Variants in ZNF236 observed in about 807,000 individuals in gnomAD.
ZNF236 encodes the protein regulated by glucose.
In ZNF236, 50 loss-of-function variants were observed where a neutral mutation model predicts 191.2. That is an observed-to-expected ratio of 0.26 (90% CI 0.21 to 0.33). The LOEUF (loss-of-function observed/expected upper bound fraction) is 0.33. Among genes scored for constraint, ZNF236 ranks in the 10% least tolerant of loss-of-function variants. The pLI is 1.00. For missense variants in ZNF236, 1,754 were observed against 2,374.5 expected (o/e 0.74, Z 5.43); for synonymous variants, 907 against 928.8 (o/e 0.98, Z 0.43).
At chr18:76,879,974 A>G (rs1025867639) in intron 7 of ZNF236, 139 bp from the exon 8 acceptor site, 26 of 737,782 alleles carry the variant, frequency 3.5e-5, no homozygotes, top group South Asian at 3.1e-4. Context: ...GTGAGGCATT[A>G]TATTTAAAAT....
intron 3 of ZNF236, among the ~76,000 whole-genome samples, chr18:76,864,687 T>C (rs1312564024): frequency 6.7e-6 from 1 of 150,060 alleles, no homozygotes; most frequent in African/African-American, 2.5e-5. Context: ...GTGTGCTCAG[T>C]GTACATGGAG....
Position 76,925,185 on chromosome 18 carries a change from A to C in ZNF236, c.3662-4A>C, listed in dbSNP as rs1967640297. 1 of 1,608,398 alleles carries C rather than the reference A, an allele frequency of 6.2e-7. No homozygotes were observed. The highest frequency in any genetic ancestry group is 1.3e-5 in the African/African-American group (1 of 74,676). On this transcript the variant is annotated splice_region_variant and splice_polypyrimidine_tract_variant and intron_variant, in intron 21 of 30. Transcript: ENST00000320610. The surrounding 1 kb of genome is among the most constrained non-coding windows in gnomAD (Gnocchi z 5.7). ...CTGTTGATTCTTGGCTGGGCTTTTC[A>C]CAGGTCAGAAGCTCTTCAGCTGTCA...
intron 3 of ZNF236, among the ~76,000 whole-genome samples, chr18:76,866,969 A>G (rs7228317): frequency 0.017 from 2,559 of 152,320 alleles, 30 homozygotes; most frequent in Middle Eastern, 0.02. Flanking sequence ...CACGTCGTGC[A>G]TAAACTGGGG....
At chr18:76,946,891 G>C (rs73968238) in intron 26 of ZNF236, among the ~76,000 whole-genome samples, 8,516 of 152,222 alleles carry the variant, frequency 0.056, 328 homozygotes, top group East Asian at 0.11. Flanking sequence ...ATTTATATAA[G>C]TTCACCTAAT....
chr18:76,824,225 C>T, intron 1 of ZNF236: 1 of 745,004 alleles, frequency 1.3e-6, no homozygotes, highest in Admixed American at 1.8e-5. Context: ...GGGTAGGAAT[C>T]AATGTAAACT....
At chr18:76,861,925 T>C (rs1464852695) in intron 3 of ZNF236, among the ~76,000 whole-genome samples, 4 of 152,164 alleles carry the variant, frequency 2.6e-5, no homozygotes, top group African/African-American at 4.8e-5. Context: ...AGTGCAGTGG[T>C]GCGATCCAGC....
At chr18:76,845,655 C>G (rs1188441120) in intron 1 of ZNF236, among the ~76,000 whole-genome samples, 2 of 151,996 alleles carry the variant, frequency 1.3e-5, no homozygotes, top group Non-Finnish European at 2.9e-5. Flanking sequence ...TCGAGACCAG[C>G]CTGACCAACA....
chr18:76,845,315 C>A (rs758087563), intron 1 of ZNF236, among the ~76,000 whole-genome samples: 18 of 152,060 alleles, frequency 1.2e-4, no homozygotes, highest in Middle Eastern at 3.2e-3. Flanking sequence ...CATATGCACC[C>A]CCTGTGTATA....
At chr18:76,847,991 C>G (rs1203503103) in intron 1 of ZNF236, among the ~76,000 whole-genome samples, 4 of 152,172 alleles carry the variant, frequency 2.6e-5, no homozygotes, top group African/African-American at 9.7e-5. Context: ...CCGGAATTTG[C>G]CTTTTCTCAA....
intron 11 of ZNF236, among the ~76,000 whole-genome samples, chr18:76,903,503 G>A (rs1337225531): frequency 6.6e-6 from 1 of 152,190 alleles, no homozygotes; most frequent in Non-Finnish European, 1.5e-5. Context: ...GCTAATCATT[G>A]TATAGCAGTT....
At chr18:76,846,944 G>T (rs978111135) in intron 1 of ZNF236, among the ~76,000 whole-genome samples, 10 of 151,878 alleles carry the variant, frequency 6.6e-5, no homozygotes, top group Non-Finnish European at 1.3e-4. Context: ...ACAGGCGTGC[G>T]CCATCAAGCC....
intron 3 of ZNF236, among the ~76,000 whole-genome samples, chr18:76,860,046 T>C (rs1010601492): frequency 6.6e-6 from 1 of 151,876 alleles, no homozygotes; most frequent in African/African-American, 2.4e-5. Flanking sequence ...GGAGTGGAGA[T>C]GGTGGTTTGC....
chr18:76,889,449 C>T (rs1467907888), intron 9 of ZNF236, among the ~76,000 whole-genome samples: 1 of 152,178 alleles, frequency 6.6e-6, no homozygotes, highest in Admixed American at 6.5e-5. Context: ...TGGTGCTTGG[C>T]ACTTGTCATG....
At chr18:76,902,751 TG>T (rs1368695041) in intron 11 of ZNF236, among the ~76,000 whole-genome samples, 2 of 147,830 alleles carry the variant, frequency 1.4e-5, no homozygotes, top group Non-Finnish European at 3.0e-5. Flanking sequence ...TTGTATTTTT[TG>T]TATTTTTATT....
At chr18:76,854,090 T>C (rs1975968508) in intron 3 of ZNF236, among the ~76,000 whole-genome samples, 1 of 151,978 alleles carries the variant, frequency 6.6e-6, no homozygotes, top group Admixed American at 6.6e-5. Context: ...AAGAAATATA[T>C]ATGTGAGATA....
intron 27 of ZNF236, among the ~76,000 whole-genome samples, chr18:76,948,772 A>G (rs470802): frequency 0.57 from 85,976 of 152,066 alleles, 24,904 homozygotes; most frequent in Non-Finnish European, 0.63. Flanking sequence ...TGGCCATGGA[A>G]TGCCCGCGTG....
intron 9 of ZNF236, chr18:76,885,577 T>G (rs761189205): frequency 5.6e-5 from 10 of 179,878 alleles, no homozygotes; most frequent in Non-Finnish European, 1.2e-4. Context: ...TCTGCCTTTC[T>G]CAGCAGCAGA....
Position 76,880,758 on chromosome 18 carries a change from A to AG in ZNF236, c.1188+448dup, listed in dbSNP as rs1234854897. On this transcript the variant is annotated intron_variant, in intron 8 of 30. Transcript: ENST00000320610. The surrounding 1 kb of genome is among the most constrained non-coding windows in gnomAD (Gnocchi z 5.0). Reference sequence around the variant, plus strand: ...GCAGCACCTGCACGTGTGGGAGAGGAGGGGGGCAGGAGCGCAGAGCCCCCA... The same window carrying AG: ...GCAGCACCTGCACGTGTGGGAGAGGAGGGGGGGCAGGAGCGCAGAGCCCCCA... Among the ~76,000 whole-genome samples, 2 of 151,994 alleles carry AG rather than the reference A, an allele frequency of 1.3e-5. No homozygotes were observed. Among genetic ancestry groups the AG allele is most frequent in the African/African-American group, 2.4e-5 (1 of 41,366 alleles).
At chr18:76,837,437 CT>C (rs71760598) in intron 1 of ZNF236, among the ~76,000 whole-genome samples, 4,104 of 105,890 alleles carry the variant, frequency 0.039, 121 homozygotes, top group African/African-American at 0.13. Flanking sequence ...TTTTCTTTTT[CT>C]TTTTTTTTTT....
Sources: allele counts gnomAD v4.1 joint callset (sites outside exome capture counted in the v4.1 genomes callset), GRCh38; gene constraint gnomAD v4.1.1; non-coding constraint Gnocchi (gnomAD v3.1); transcripts MANE v1.5; gene names NCBI Gene and HGNC (gene_info 2026-07-23, HGNC 2026-07-21).